Variants in DLEC1 observed in about 807,000 individuals in gnomAD.
The protein encoded by DLEC1 is DLEC1 cilia and flagella associated protein.
A neutral mutation model predicts 198.1 loss-of-function variants in DLEC1; 146 were observed. The ratio of observed to expected loss-of-function variants is 0.74; its 90% CI spans 0.64 to 0.85. The LOEUF (loss-of-function observed/expected upper bound fraction) is 0.85, where lower values mean the gene tolerates loss of function less well. DLEC1 is among the 40% of genes least tolerant of loss of function. DLEC1 has a pLI of 0.00. For synonymous variants in DLEC1, 897 were observed against 866.8 expected (o/e 1.03, Z -0.61); for missense variants, 2,233 against 2,220.0 (o/e 1.01, Z -0.12).
At chr3:38,113,233 G>A (rs965885849) in intron 25 of DLEC1, among the ~76,000 whole-genome samples, 2 of 152,296 alleles carry the variant, frequency 1.3e-5, no homozygotes, top group East Asian at 1.9e-4. Flanking sequence ...ACACATTAGC[G>A]AGGTTTAAAA....
At chr3:38,096,545 A>G (rs763753217) in intron 14 of DLEC1, 24 bp from the exon 15 acceptor site, 9 of 1,600,980 alleles carry the variant, frequency 5.6e-6, no homozygotes, top group South Asian at 3.4e-5. Context: ...GCCGGCTCCT[A>G]GCTAACGGTG....
At chr3:38,063,762 C>A (rs1696825193) in intron 5 of DLEC1, 79 bp from the exon 6 acceptor site, 2 of 1,039,394 alleles carry the variant, frequency 1.9e-6, no homozygotes, top group Admixed American at 1.9e-5. Flanking sequence ...TTTATTTTTA[C>A]ATTAATCAGT....
At chr3:38,119,127 C>T (rs1559468056) in intron 33 of DLEC1, among the ~76,000 whole-genome samples, 1 of 152,224 alleles carries the variant, frequency 6.6e-6, no homozygotes, top group Non-Finnish European at 1.5e-5. Context: ...TCCTTGGCAG[C>T]TCTGGGGAAG....
chr3:38,048,136 T>A (rs577749944), intron 2 of DLEC1, among the ~76,000 whole-genome samples: 4 of 152,360 alleles, frequency 2.6e-5, no homozygotes, highest in South Asian at 4.1e-4. Context: ...TGCTGATTCA[T>A]TTGACAATCA....
intron 12 of DLEC1, among the ~76,000 whole-genome samples, chr3:38,094,461 A>G (rs1046862713): frequency 2.6e-5 from 4 of 152,216 alleles, no homozygotes; most frequent in Non-Finnish European, 5.9e-5. Flanking sequence ...CATAACAGGA[A>G]AGGCAGAGGG....
At chr3:38,085,112 C>T (rs1395386092) in intron 7 of DLEC1, among the ~76,000 whole-genome samples, 162 bp from the exon 8 acceptor site, 1 of 152,228 alleles carries the variant, frequency 6.6e-6, no homozygotes, top group Non-Finnish European at 1.5e-5. Context: ...ACCCTTGCAG[C>T]CTGCTCCCCT....
At position 38,116,977 on chromosome 3, in the gene DLEC1, G is replaced by T; in HGVS notation, c.4182G>T (p.Val1394=). The stretch of plus-strand genomic sequence containing the variant: ...TAAGGCTGCTGTGTCTATGCCAGGT[G>T]GTCCCTGCTGGGGGCAGCAGTACCA... ...HLYCISPKQV[V]VPAGGSSTIY... is the part of the protein sequence containing the mutation. Residue 1394 remains valine, a splice_region_variant and synonymous_variant, in exon 30 of 37, where the codon GTG becomes GTT. Transcript: ENST00000308059. 6.2e-7 allele frequency: 1 copy of T among 1,613,816 alleles called. No homozygotes were observed. Among genetic ancestry groups the T allele is most frequent in the Non-Finnish European group, 8.5e-7 (1 of 1,179,938 alleles).
intron 6 of DLEC1, among the ~76,000 whole-genome samples, chr3:38,064,791 C>A (rs926821814): frequency 1.3e-5 from 2 of 151,108 alleles, no homozygotes. Flanking sequence ...GGCGGCCGGG[C>A]AGAGACGCTC....
At chr3:38,088,871 C>A (rs1354269365) in intron 10 of DLEC1, among the ~76,000 whole-genome samples, 2 of 152,194 alleles carry the variant, frequency 1.3e-5, no homozygotes, top group African/African-American at 4.8e-5. Context: ...CAGTGGTCTG[C>A]CCCTGGCTGT....
chr3:38,109,050 G>A (rs1699720452), intron 21 of DLEC1, among the ~76,000 whole-genome samples: 1 of 152,252 alleles, frequency 6.6e-6, no homozygotes, highest in African/African-American at 2.4e-5. Context: ...CAAATATGGG[G>A]ATGGCCGGCC....
Position 38,123,083 on chromosome 3 carries a change from C to CA in DLEC1, c.*672dup, listed in dbSNP as rs1700572299. The CA allele has an allele frequency of 1.2e-6, 2 of 1,614,126 alleles. No homozygotes were observed. The highest frequency in any genetic ancestry group is 2.7e-5 in the African/African-American group (2 of 74,946). On this transcript the variant is annotated 3_prime_UTR_variant, in exon 37 of 37. Transcript: ENST00000308059. ...GGTATTCAAAGACGGCAGCGGCTCCCATTCCAGTCCCGATGCACATGGACA... is the reference window on the plus strand; with the variant it reads ...GGTATTCAAAGACGGCAGCGGCTCCCAATTCCAGTCCCGATGCACATGGACA...
intron 9 of DLEC1, among the ~76,000 whole-genome samples, chr3:38,087,765 A>G (rs1698542992): frequency 1.3e-5 from 2 of 152,254 alleles, no homozygotes; most frequent in South Asian, 4.1e-4. Flanking sequence ...AGGGTCTTGT[A>G]GGCATGGGTT....
intron 19 of DLEC1, chr3:38,103,899 A>C (rs1448351883): frequency 2.0e-5 from 3 of 152,200 alleles, no homozygotes; most frequent in Non-Finnish European, 2.9e-5. Context: ...TGTTTATGGC[A>C]CCCCAAAACA....
At chr3:38,109,745 C>A in intron 22 of DLEC1, 183 bp downstream of exon 22, 1 of 1,056,098 alleles carries the variant, frequency 9.5e-7, no homozygotes, top group Non-Finnish European at 1.3e-6. Context: ...TACCCCATCC[C>A]TGCCCTCTGT....
Position 38,095,028 on chromosome 3 carries a change from C to A in DLEC1, c.2069C>A (p.Pro690His), listed in dbSNP as rs1026959382. 8.1e-6 allele frequency: 13 copies of A among 1,614,214 alleles called. No individual in the cohort carries two copies. The highest frequency in any genetic ancestry group is 1.1e-5 in the Non-Finnish European group (13 of 1,180,036). ...SIMPRKGVLS[P>H]HTDHEFILSF... ...ATGCCCAGAAAGGGGGTTCTAAGCCCCCACACAGACCACGAGTTCATCCTG... is the reference window on the plus strand; with the variant it reads ...ATGCCCAGAAAGGGGGTTCTAAGCCACCACACAGACCACGAGTTCATCCTG... Residue 690 changes from proline to histidine, a missense_variant, in exon 13 of 37, where the codon CCC (proline) becomes CAC (histidine). Pro to His is a moderately conservative substitution (Grantham distance 77). Transcript: ENST00000308059.
chr3:38,114,818 G>C (rs1313321425), intron 26 of DLEC1, among the ~76,000 whole-genome samples, 165 bp from the exon 27 acceptor site: 1 of 152,162 alleles, frequency 6.6e-6, no homozygotes, highest in Non-Finnish European at 1.5e-5. Flanking sequence ...CAGCTCACCT[G>C]GTGCCGCCTG....
At chr3:38,116,357 T>C (rs1700156787) in intron 27 of DLEC1, 96 bp from the exon 28 acceptor site, 4 of 1,197,580 alleles carry the variant, frequency 3.3e-6, no homozygotes, top group African/African-American at 1.5e-5. Flanking sequence ...TATGGGAGAA[T>C]AGGTCATCTC....
chr3:38,082,971 T>C (rs1470716742), intron 6 of DLEC1, among the ~76,000 whole-genome samples: 1 of 152,076 alleles, frequency 6.6e-6, no homozygotes, highest in Non-Finnish European at 1.5e-5. Flanking sequence ...AAAACGTGTC[T>C]CCTTTGTCTC....
At chr3:38,086,411 A>C (rs1432209954) in intron 9 of DLEC1, 34 bp downstream of exon 9, 1 of 1,579,372 alleles carries the variant, frequency 6.3e-7, no homozygotes. Flanking sequence ...TGGAAAAATT[A>C]CAAGTCCATC....
Sources: gnomAD v4.1 joint callset for allele counts (sites outside exome capture counted in the v4.1 genomes callset) on GRCh38, gnomAD v4.1.1 for gene constraint, MANE v1.5 for transcripts, NCBI Gene and HGNC (gene_info 2026-07-23, HGNC 2026-07-21) for gene names.